Variants in IKBIP observed in about 807,000 individuals in gnomAD.
IKBIP encodes IKBKB interacting protein, also known as inhibitor of nuclear factor kappa-B kinase-interacting protein.
In IKBIP, 28 loss-of-function variants were observed where a neutral mutation model predicts 31.0. That is an observed-to-expected ratio of 0.90 (90% confidence interval 0.67 to 1.24). The LOEUF (loss-of-function observed/expected upper bound fraction) is 1.24. IKBIP is among the 50% of genes most tolerant of loss of function. The pLI is 0.00. For missense variants in IKBIP, 453 were observed against 441.9 expected, an observed-to-expected ratio of 1.03 and a Z score of -0.23; for synonymous variants, 164 against 160.3, an observed-to-expected ratio of 1.02 and a Z score of -0.17.
chr12:98,627,746 CA>C (rs1377654012), intron 2 of IKBIP, among the ~76,000 whole-genome samples: 1 of 151,490 alleles, frequency 6.6e-6, no homozygotes, highest in Non-Finnish European at 1.5e-5. Flanking sequence ...CCCTCGATGT[CA>C]TTTTTATGGT....
intron 2 of IKBIP, among the ~76,000 whole-genome samples, chr12:98,629,118 T>C (rs1296639881): frequency 6.6e-6 from 1 of 152,198 alleles, no homozygotes; most frequent in Non-Finnish European, 1.5e-5. Flanking sequence ...AATCCCTACA[T>C]CTCAGAGTAC....
intron 2 of IKBIP, 147 bp downstream of exon 2, chr12:98,634,149 A>G: frequency 1.9e-6 from 1 of 522,224 alleles, no homozygotes; most frequent in East Asian, 3.2e-5. Flanking sequence ...GCTCAGAGGG[A>G]GAATGTCAAG....
chr12:98,625,839 G>A lies in IKBIP; in HGVS notation c.*91C>T. 9.4e-7 allele frequency: 1 copy of A among 1,069,012 alleles called. No individual in the cohort carries two copies. The highest frequency in any genetic ancestry group is 3.1e-5 in the Admixed American group (1 of 32,742). 66.2% of individuals were successfully genotyped at this position (1,069,012 alleles called of 1,614,324 possible). ...TCTCATTTATTTTCCAATAATGTAG[G>A]ATAAGATGAGGCGTATCAAAGTAAC... On this transcript the variant is annotated 3_prime_UTR_variant, in exon 3 of 3. Transcript: ENST00000299157.
Position 98,639,144 on chromosome 12 carries a change from G to A in IKBIP, c.180-4731C>T, listed in dbSNP as rs375257023. Among the ~76,000 whole-genome samples, 13 of 152,200 alleles carry A rather than the reference G, an allele frequency of 8.5e-5. 1 individual carries two copies. The highest frequency in any genetic ancestry group is 3.9e-4 in the East Asian group (2 of 5,182). ...CAACTTCCGCCTCCTGGGTTCAAGT[G>A]ATTCTTCTGCCTCAGCCTCCCAGCT... On this transcript the variant is annotated intron_variant, in intron 1 of 2. Coordinates refer to ENST00000299157, the MANE Select transcript of IKBIP (RefSeq NM_153687.4).
intron 2 of IKBIP, among the ~76,000 whole-genome samples, chr12:98,633,642 G>A (rs996638140): frequency 5.5e-5 from 8 of 145,070 alleles, no homozygotes; most frequent in Non-Finnish European, 1.0e-4. Flanking sequence ...TCAGCCCCCC[G>A]AGTAGCTGGG....
chr12:98,637,418 T>G (rs1478483948), intron 1 of IKBIP, among the ~76,000 whole-genome samples: 1 of 152,234 alleles, frequency 6.6e-6, no homozygotes, highest in African/African-American at 2.4e-5. Context: ...TCTTTCTTTT[T>G]GTTTTTTTTG....
chr12:98,613,845 C>T (rs1048906), exon 3 of IKBIP: 522,904 of 1,611,634 alleles, frequency 0.32, 86,608 homozygotes, highest in African/African-American at 0.5. Flanking sequence ...GCTCTGTCAC[C>T]TTCTAAGCTT....
downstream of IKBIP, among the ~76,000 whole-genome samples, chr12:98,622,545 T>C (rs1243465615): frequency 1.3e-5 from 2 of 151,950 alleles, no homozygotes; most frequent in Non-Finnish European, 2.9e-5. Context: ...AGCTTATAAA[T>C]TGAAATGAGC....
At position 98,626,244 on chromosome 12, in the gene IKBIP, G is replaced by A; in HGVS notation, c.820C>T (p.Pro274Ser). The change falls in exon 3 of 3, where the codon CCA (proline) becomes TCA (serine). Residue 274 changes from proline (P) to serine (S), a missense_variant. Transcript: ENST00000299157. ...PKVEECKTHL[P>S]TIESAIHSVL... ...GAGTGAATAGCACTTTCAATTGTTGGCAAATGTGTCTTGCATTCTTCAACT... is the reference window on the plus strand; with the variant it reads ...GAGTGAATAGCACTTTCAATTGTTGACAAATGTGTCTTGCATTCTTCAACT... 1.2e-6 allele frequency: 2 copies of A among 1,614,102 alleles called. No individual in the cohort carries two copies. The highest frequency in any genetic ancestry group is 1.7e-6 in the Non-Finnish European group (2 of 1,180,010).
At chr12:98,641,554 A>C (rs1369803339) in intron 1 of IKBIP, among the ~76,000 whole-genome samples, 1 of 152,224 alleles carries the variant, frequency 6.6e-6, no homozygotes, top group Non-Finnish European at 1.5e-5. Flanking sequence ...ACAGCAACCA[A>C]AGTACATTTG....
In IKBIP at chr12:98,626,471, A is replaced by G. The variant is rs1274307169; in HGVS notation, c.593T>C (p.Leu198Pro). The G allele has an allele frequency of 6.2e-7, 1 of 1,613,360 alleles. No homozygotes were observed. Among genetic ancestry groups the G allele is most frequent in the Non-Finnish European group, 8.5e-7 (1 of 1,180,014 alleles). ...TTCCAAATCTTTTAGCCGTTCAGTG[A>G]GCAATTTTATTTCCTGCTCAGCTGA... ...INSAEQEIKL[L>P]TERLKDLEDS... is the part of the protein sequence containing the mutation. The change falls in exon 3 of 3, where the codon CTC becomes CCC. Residue 198 changes from leucine to proline, a missense_variant. Physicochemically the swap from Leu to Pro is moderately conservative, Grantham distance 98 (BLOSUM62 -3). Transcript: ENST00000299157.
chr12:98,640,452 C>CAAAA (rs2097629424), intron 1 of IKBIP, among the ~76,000 whole-genome samples: 1 of 133,906 alleles, frequency 7.5e-6, no homozygotes, highest in Admixed American at 7.3e-5. Context: ...CAAAACAAAA[C>CAAAA]AAAACAAAAC....
downstream of IKBIP, among the ~76,000 whole-genome samples, chr12:98,622,074 T>TAAA (rs397850941): frequency 7.6e-6 from 1 of 132,268 alleles, no homozygotes. Context: ...GACTCCATCT[T>TAAA]AAAAAAAAAA....
intron 1 of IKBIP, among the ~76,000 whole-genome samples, chr12:98,636,467 G>A (rs2097625816): frequency 6.6e-6 from 1 of 152,192 alleles, no homozygotes; most frequent in Non-Finnish European, 1.5e-5. Context: ...TCTGAACTTT[G>A]TGCATCCTTG....
chr12:98,613,630 A>C, exon 3 of IKBIP: 1 of 1,553,552 alleles, frequency 6.4e-7, no homozygotes, highest in Non-Finnish European at 8.8e-7. Flanking sequence ...TAATATCCTT[A>C]ATCTCAGCTT....
chr12:98,635,296 G>C (rs570967326), intron 1 of IKBIP, among the ~76,000 whole-genome samples: 1 of 152,028 alleles, frequency 6.6e-6, no homozygotes, highest in South Asian at 2.1e-4. Context: ...GAGCCACTGT[G>C]CCCAGCCCCA....
chr12:98,623,407 C>T (rs182501970), downstream of IKBIP, among the ~76,000 whole-genome samples: 5 of 149,284 alleles, frequency 3.3e-5, no homozygotes, highest in East Asian at 1.9e-4. Context: ...TACAGGGATG[C>T]GCTTTTTTTT....
chr12:98,631,942 A>G (rs2097620526), intron 2 of IKBIP, among the ~76,000 whole-genome samples: 1 of 149,900 alleles, frequency 6.7e-6, no homozygotes, highest in African/African-American at 2.5e-5. Context: ...TGCAATCTCC[A>G]CCTCCCAGGT....
At chr12:98,626,800 A>T in intron 2 of IKBIP, 34 bp from the exon 3 acceptor site, 1 of 1,508,566 alleles carries the variant, frequency 6.6e-7, no homozygotes. Context: ...TCCCAAGGCT[A>T]CTTAATAATT....
Sources: allele counts gnomAD v4.1 joint callset (sites outside exome capture counted in the v4.1 genomes callset), GRCh38; gene constraint gnomAD v4.1.1; transcripts MANE v1.5; gene names NCBI Gene and HGNC (gene_info 2026-07-23, HGNC 2026-07-21).